DMRT1: variants seen among roughly 807,000 people sequenced by gnomAD.
DMRT1 encodes doublesex and mab-3 related transcription factor 1.
Under a neutral mutation model 32.3 loss-of-function variants are expected in DMRT1, and 7 were observed. The observed-to-expected ratio is 0.22, with a 90% CI of 0.12 to 0.41. The LOEUF (loss-of-function observed/expected upper bound fraction) is 0.41, where lower values mean the gene tolerates loss of function less well. DMRT1 is among the 10% of genes least tolerant of loss of function. The pLI is 1.00. For missense variants in DMRT1, 625 were observed against 500.5 expected (o/e 1.25, Z -2.37); for synonymous variants, 278 against 206.1 (o/e 1.35, Z -2.99).
At position 847,151 on chromosome 9, in the gene DMRT1, G is replaced by A. The variant is rs967911688; in HGVS notation, c.538+8G>A. Reference sequence around the variant, plus strand: ...CCACCACTGCAGCTTCAGGTAATCTGGAGGGGCTGGGGTTCACATGGAGGC... The same window carrying A: ...CCACCACTGCAGCTTCAGGTAATCTAGAGGGGCTGGGGTTCACATGGAGGC... On this transcript the variant is annotated splice_region_variant and intron_variant, in intron 2 of 4. Coordinates refer to ENST00000382276, the MANE Select transcript of DMRT1 (RefSeq NM_021951.3). The A allele has an allele frequency of 6.2e-7, 1 of 1,611,844 alleles. No homozygotes were observed. Among genetic ancestry groups the A allele is most frequent in the Non-Finnish European group, 8.5e-7 (1 of 1,179,586 alleles).
intron 2 of DMRT1, among the ~76,000 whole-genome samples, chr9:889,047 G>A (rs1029103912): frequency 6.6e-6 from 1 of 152,030 alleles, no homozygotes; most frequent in Non-Finnish European, 1.5e-5. Flanking sequence ...GATTTTGTCA[G>A]TCTGTGGTGG....
At chr9:919,298 G>C (rs1818281423) in intron 4 of DMRT1, among the ~76,000 whole-genome samples, 1 of 151,546 alleles carries the variant, frequency 6.6e-6, no homozygotes, top group Non-Finnish European at 1.5e-5. Flanking sequence ...ATGTTCTTCA[G>C]TTTCTTTAAA....
In DMRT1 at chr9:930,688, A is replaced by G. The variant is rs527896765; in HGVS notation, c.967+13781A>G. 3.1e-3 allele frequency among the ~76,000 whole-genome samples: 476 copies of G among 152,166 alleles called. 5 individuals are homozygous for G. The highest frequency in any genetic ancestry group is 9.7e-3 in the African/African-American group (403 of 41,530). ...TTCCCAAAGTGCTGGGATTACAGAC[A>G]TGAGCCACCGCACCCGGCCAATTTT... On this transcript the variant is annotated intron_variant, in intron 4 of 4. Coordinates refer to ENST00000382276, the MANE Select transcript of DMRT1 (RefSeq NM_021951.3).
At chr9:849,875 G>A (rs1008220051) in intron 2 of DMRT1, among the ~76,000 whole-genome samples, 2 of 152,064 alleles carry the variant, frequency 1.3e-5, no homozygotes, top group Admixed American at 6.5e-5. Context: ...CCAGGGTGGA[G>A]GGCAGTGGTG....
chr9:905,881 G>A (rs1403967300), intron 3 of DMRT1, among the ~76,000 whole-genome samples: 1 of 152,160 alleles, frequency 6.6e-6, no homozygotes, highest in Non-Finnish European at 1.5e-5. Context: ...TTTGGAGTTT[G>A]CCTGACTGCA....
chr9:952,314 A>G (rs947294025), intron 4 of DMRT1, among the ~76,000 whole-genome samples: 1 of 152,206 alleles, frequency 6.6e-6, no homozygotes, highest in Non-Finnish European at 1.5e-5. Flanking sequence ...ATTAAGAAAT[A>G]AAAAGGACTA....
intron 3 of DMRT1, among the ~76,000 whole-genome samples, chr9:914,692 G>C (rs1262967483): frequency 6.6e-6 from 1 of 151,926 alleles, no homozygotes; most frequent in Non-Finnish European, 1.5e-5. Context: ...AAGGATAAAG[G>C]GGACTTACCC....
chr9:904,009 C>A (rs1204899122), intron 3 of DMRT1, among the ~76,000 whole-genome samples: 1 of 152,148 alleles, frequency 6.6e-6, no homozygotes, highest in Non-Finnish European at 1.5e-5. Context: ...TAAGAAATCC[C>A]CTGTAAAGTG....
chr9:850,342 AAC>A (rs1839093037), intron 2 of DMRT1, among the ~76,000 whole-genome samples: 1 of 152,192 alleles, frequency 6.6e-6, no homozygotes, highest in Non-Finnish European at 1.5e-5. Context: ...CAAAAAAACA[AAC>A]ACACTGTGGA....
intron 2 of DMRT1, among the ~76,000 whole-genome samples, chr9:858,893 A>G (rs963701002): frequency 2.0e-5 from 3 of 148,202 alleles, no homozygotes; most frequent in Admixed American, 6.8e-5. Context: ...ATATATATAT[A>G]TTTATCATTG....
intron 2 of DMRT1, among the ~76,000 whole-genome samples, chr9:871,011 C>A (rs980499290): frequency 7.2e-4 from 110 of 151,780 alleles, no homozygotes; most frequent in African/African-American, 2.5e-3. Flanking sequence ...CCCATACATT[C>A]AAGCCTTTTA....
chr9:901,605 G>A (rs1024583833), intron 3 of DMRT1, among the ~76,000 whole-genome samples: 5 of 152,126 alleles, frequency 3.3e-5, no homozygotes, highest in Non-Finnish European at 7.4e-5. Context: ...GGGATTATAG[G>A]CGGGAGCCAC....
intron 4 of DMRT1, among the ~76,000 whole-genome samples, chr9:935,241 A>G (rs145015917): frequency 2.0e-5 from 3 of 152,308 alleles, no homozygotes; most frequent in Non-Finnish European, 4.4e-5. Context: ...AAAAGCCCCT[A>G]TATCCTCTAG....
chr9:924,432 A>G (rs1296352186), intron 4 of DMRT1, among the ~76,000 whole-genome samples: 1 of 152,180 alleles, frequency 6.6e-6, no homozygotes, highest in East Asian at 1.9e-4. Context: ...TAACACATGT[A>G]TCTATTTTTA....
At chr9:854,543 T>C (rs941356134) in intron 2 of DMRT1, among the ~76,000 whole-genome samples, 1 of 152,170 alleles carries the variant, frequency 6.6e-6, no homozygotes, top group Non-Finnish European at 1.5e-5. Context: ...AGGAAATACT[T>C]TATTCAAATA....
intron 4 of DMRT1, among the ~76,000 whole-genome samples, chr9:931,068 A>G (rs1586633337): frequency 6.6e-6 from 1 of 152,224 alleles, no homozygotes; most frequent in Non-Finnish European, 1.5e-5. Context: ...TTCTGTCTCT[A>G]TGAATTTGCC....
intron 2 of DMRT1, among the ~76,000 whole-genome samples, chr9:864,709 C>G (rs550076069): frequency 2.0e-5 from 3 of 150,700 alleles, no homozygotes; most frequent in African/African-American, 7.4e-5. Context: ...ACCATGTTAG[C>G]CAGGATGGTC....
At chr9:850,739 G>A (rs550970117) in intron 2 of DMRT1, among the ~76,000 whole-genome samples, 2 of 75,072 alleles carry the variant, frequency 2.7e-5, no homozygotes, top group Non-Finnish European at 7.4e-5. Context: ...CTGTATAGAT[G>A]TGAGGCCAGC....
intron 4 of DMRT1, among the ~76,000 whole-genome samples, chr9:948,485 T>A (rs906315861): frequency 6.6e-6 from 1 of 152,092 alleles, no homozygotes; most frequent in Admixed American, 6.5e-5. Flanking sequence ...TACCATTAGA[T>A]GCCCTAGAGT....
Sources: gnomAD v4.1 joint callset for allele counts (sites outside exome capture counted in the v4.1 genomes callset) on GRCh38, gnomAD v4.1.1 for gene constraint, MANE v1.5 for transcripts, NCBI Gene and HGNC (gene_info 2026-07-23, HGNC 2026-07-21) for gene names.